Variants in RANBP2 observed in about 807,000 individuals in gnomAD.
RANBP2 encodes E3 SUMO-protein ligase RanBP2.
A neutral mutation model predicts 303.6 loss-of-function variants in RANBP2; 57 were observed. The ratio of observed to expected loss-of-function variants is 0.19; its 90% CI spans 0.15 to 0.23. The LOEUF (loss-of-function observed/expected upper bound fraction) is 0.23. RANBP2 is among the 10% of genes least tolerant of loss of function. The pLI is 1.00. For missense variants in RANBP2, 3,138 were observed against 3,780.8 expected (o/e 0.83, Z 4.46); for synonymous variants, 1,167 against 1,301.5 (o/e 0.90, Z 2.23).
intron 25 of RANBP2, 79 bp downstream of exon 25, chr2:108,777,310 A>T (rs56132830): frequency 0.23 from 292,642 of 1,250,940 alleles, 37,637 homozygotes; most frequent in African/African-American, 0.35. Context: ...TTGTTGCAGT[A>T]TATAACTAAG....
the RANBP2 span, chr2:109,251,641 C>T: frequency 3.9e-5 from 54 of 1,372,188 alleles, no homozygotes; most frequent in South Asian, 2.2e-4. Context: ...AGCCTTGGAA[C>T]GAGTATAAAT....
chr2:108,720,433 A>T (rs13003488), intron 1 of RANBP2, among the ~76,000 whole-genome samples: 3 of 152,174 alleles, frequency 2.0e-5, no homozygotes, highest in Admixed American at 6.5e-5. Flanking sequence ...CAAATGTTTT[A>T]AGGGTATTTT....
At chr2:109,341,980 C>G in the RANBP2 span, among the ~76,000 whole-genome samples, 34 of 152,318 alleles carry the variant, frequency 2.2e-4, no homozygotes, top group African/African-American at 7.0e-4. Context: ...GACCCATTCT[C>G]AGACCCCGCA....
At chr2:109,408,849 T>A in the RANBP2 span, among the ~76,000 whole-genome samples, 1 of 152,106 alleles carries the variant, frequency 6.6e-6, no homozygotes, top group African/African-American at 2.4e-5. Flanking sequence ...GCCTGATGGG[T>A]GCGCACAGGG....
the RANBP2 span, among the ~76,000 whole-genome samples, chr2:108,825,863 C>T: frequency 2.0e-5 from 3 of 152,150 alleles, no homozygotes; most frequent in Non-Finnish European, 4.4e-5. Flanking sequence ...AGTGGTTCAA[C>T]AGTTGTTGAG....
the RANBP2 span, among the ~76,000 whole-genome samples, chr2:108,790,942 T>C: frequency 1.3e-5 from 2 of 151,932 alleles, no homozygotes; most frequent in African/African-American, 4.8e-5. Context: ...TTTTTCTTTT[T>C]GTAGAGACAG....
the RANBP2 span, among the ~76,000 whole-genome samples, chr2:109,552,185 T>C: frequency 6.6e-6 from 1 of 152,192 alleles, no homozygotes; most frequent in African/African-American, 2.4e-5. Context: ...AGTTTCATCC[T>C]GAAACCATCT....
chr2:108,918,025 T>C, the RANBP2 span, among the ~76,000 whole-genome samples: 1 of 152,168 alleles, frequency 6.6e-6, no homozygotes, highest in African/African-American at 2.4e-5. Flanking sequence ...TTTTATATTA[T>C]TAGCGCACCA....
the RANBP2 span, among the ~76,000 whole-genome samples, chr2:109,697,598 T>C: frequency 6.6e-6 from 1 of 152,238 alleles, no homozygotes; most frequent in African/African-American, 2.4e-5. Context: ...TCCTGTCATT[T>C]TGCAAAATTC....
chr2:109,551,628 C>T, the RANBP2 span, among the ~76,000 whole-genome samples: 30 of 152,324 alleles, frequency 2.0e-4, no homozygotes, highest in Non-Finnish European at 3.8e-4. Context: ...TATACTTTCA[C>T]TTTTCTGTTG....
At chr2:109,335,776 T>C in the RANBP2 span, among the ~76,000 whole-genome samples, 1 of 152,202 alleles carries the variant, frequency 6.6e-6, no homozygotes, top group Non-Finnish European at 1.5e-5. Flanking sequence ...GCTGACTAAC[T>C]GCATAAATGT....
At chr2:108,836,044 C>T in the RANBP2 span, among the ~76,000 whole-genome samples, 4 of 152,154 alleles carry the variant, frequency 2.6e-5, no homozygotes, top group South Asian at 4.1e-4. Flanking sequence ...GCTCTCCTGA[C>T]GTAAACACTT....
Position 108,753,822 on chromosome 2 carries a change from T to C in RANBP2, c.2056-3T>C, listed in dbSNP as rs773615091. ...TGATTTCATAAAAGCACTATTTGTATAGATTTTTCACAGGAAGGCAGAAGA... is the reference window on the plus strand; with the variant it reads ...TGATTTCATAAAAGCACTATTTGTACAGATTTTTCACAGGAAGGCAGAAGA... On this transcript the variant is annotated splice_polypyrimidine_tract_variant and splice_region_variant and intron_variant, in intron 14 of 28. Coordinates refer to ENST00000283195, the MANE Select transcript of RANBP2 (RefSeq NM_006267.5). 3 of 1,611,972 alleles carry C rather than the reference T, an allele frequency of 1.9e-6. No individual in the cohort carries two copies. In the South Asian group the frequency reaches 3.3e-5, roughly 18 times the overall value.
At chr2:109,451,767 C>T in the RANBP2 span, among the ~76,000 whole-genome samples, 4 of 152,380 alleles carry the variant, frequency 2.6e-5, no homozygotes, top group Admixed American at 6.5e-5. Context: ...CATGCAGGGA[C>T]GCCCTGCCAT....
In RANBP2 at chr2:108,782,348, A is replaced by G. The variant is rs1314547053; in HGVS notation, c.8981A>G (p.Lys2994Arg). 6.2e-7 allele frequency: 1 copy of G among 1,614,184 alleles called. No homozygotes were observed. The highest frequency in any genetic ancestry group is 8.5e-7 in the Non-Finnish European group (1 of 1,180,034). ...GTTATTACTAAAACAATGGAATTAA[A>G]GCCCTTAAATGTTTCAAATAATGCT... ...NHVITKTMELKPLNVSNNALV... is the reference protein window; with the variant it reads ...NHVITKTMELRPLNVSNNALV... Residue 2994 changes from lysine to arginine, a missense_variant, in exon 27 of 29, where the codon AAG becomes AGG. Lys to Arg is a conservative substitution (Grantham distance 26, BLOSUM62 2). Around this residue, in one of 20 missense-constraint regions of RANBP2, gnomAD observed 204 missense variants for 228.4 expected, o/e 0.89. Transcript: ENST00000283195.
At chr2:109,664,942 C>G in the RANBP2 span, among the ~76,000 whole-genome samples, 3 of 150,770 alleles carry the variant, frequency 2.0e-5, no homozygotes, top group African/African-American at 7.3e-5. Context: ...AAAAAAAAAC[C>G]AAAACCAAAA....
At chr2:109,364,077 C>G in the RANBP2 span, among the ~76,000 whole-genome samples, 1 of 151,538 alleles carries the variant, frequency 6.6e-6, no homozygotes, top group African/African-American at 2.4e-5. Flanking sequence ...TCTTCTCCTT[C>G]TAGTATTCCC....
chr2:109,383,111 T>C, the RANBP2 span, among the ~76,000 whole-genome samples: 1 of 152,224 alleles, frequency 6.6e-6, no homozygotes, highest in Non-Finnish European at 1.5e-5. Flanking sequence ...GAGGCACTTG[T>C]CCCCAGGCAG....
the RANBP2 span, among the ~76,000 whole-genome samples, chr2:109,403,469 G>C: frequency 6.6e-6 from 1 of 152,226 alleles, no homozygotes; most frequent in Non-Finnish European, 1.5e-5. Context: ...CTGTACTTCT[G>C]TGCCAGCCCT....
Sources: allele counts gnomAD v4.1 joint callset (sites outside exome capture counted in the v4.1 genomes callset), GRCh38; gene constraint gnomAD v4.1.1; regional missense constraint gnomAD v4.1.1; transcripts MANE v1.5; gene names NCBI Gene and HGNC (gene_info 2026-07-23, HGNC 2026-07-21).